The following DNAH11 variants were observed in gnomAD, a reference collection of about 807,000 sequenced individuals.
DNAH11 encodes dynein axonemal heavy chain 11.
Under a neutral mutation model 526.0 loss-of-function variants are expected in DNAH11, and 442 were observed. The ratio of observed to expected loss-of-function variants is 0.84; its 90% CI spans 0.78 to 0.91. The LOEUF (loss-of-function observed/expected upper bound fraction) is 0.91, where lower values mean the gene tolerates loss of function less well. Ranked by LOEUF, DNAH11 falls within the 40% of genes least tolerant of loss-of-function variation. The probability of loss-of-function intolerance (pLI) is 0.00; values close to 1 mark genes in which losing one functional copy is unlikely to be tolerated. For synonymous variants in DNAH11, 2,461 were observed against 1,935.9 expected (o/e 1.27, Z -7.12); for missense variants, 6,989 against 5,448.7 (o/e 1.28, Z -8.90).
intron 25 of DNAH11, among the ~76,000 whole-genome samples, chr7:21,628,290 C>T (rs192635409): frequency 6.6e-6 from 1 of 151,950 alleles, no homozygotes; most frequent in African/African-American, 2.4e-5. Context: ...ATTTCTTTCT[C>T]TTGCCTAATT....
chr7:21,755,611 T>G (rs959761418), intron 54 of DNAH11, among the ~76,000 whole-genome samples: 6 of 152,190 alleles, frequency 3.9e-5, no homozygotes, highest in African/African-American at 1.4e-4. Context: ...TAAATTACCC[T>G]TAATAATATT....
intron 49 of DNAH11, 121 bp downstream of exon 49, chr7:21,742,287 G>C: frequency 8.2e-7 from 1 of 1,216,718 alleles, no homozygotes; most frequent in Non-Finnish European, 1.1e-6. Context: ...ATAAAGAAAA[G>C]AGGTTTAATT....
chr7:21,847,935 AC>A (rs1782478602), intron 66 of DNAH11, among the ~76,000 whole-genome samples: 1 of 151,864 alleles, frequency 6.6e-6, no homozygotes, highest in Non-Finnish European at 1.5e-5. Context: ...GGAGGCTGAG[AC>A]GGGCGGATCA....
chr7:21,866,445 T>G, intron 70 of DNAH11, 25 bp from the exon 71 acceptor site: 1 of 1,593,916 alleles, frequency 6.3e-7, no homozygotes, highest in Non-Finnish European at 8.5e-7. Flanking sequence ...ACACCATTCC[T>G]ACTTGTTTCC....
Position 21,900,134 on chromosome 7 carries a change from A to G in DNAH11, c.13303+14A>G. On this transcript the variant is annotated intron_variant, in intron 81 of 81. Transcript: ENST00000409508. The stretch of plus-strand genomic sequence containing the variant: ...TCTTCATGGAGGGTAAGACACCCCA[A>G]GGGGTAAGTGGGGAACCTTTTCTTA... The G allele has an allele frequency of 6.2e-7, 1 of 1,603,246 alleles. No homozygotes were observed. The highest frequency in any genetic ancestry group is 1.1e-5 in the South Asian group (1 of 89,490).
At chr7:21,740,146 T>A (rs1009927437) in intron 48 of DNAH11, among the ~76,000 whole-genome samples, 1 of 152,194 alleles carries the variant, frequency 6.6e-6, no homozygotes, top group African/African-American at 2.4e-5. Context: ...ACTCTACCAA[T>A]TCATTCCTCT....
chr7:21,780,040 A>T (rs930565312), intron 57 of DNAH11, among the ~76,000 whole-genome samples: 24 of 150,298 alleles, frequency 1.6e-4, no homozygotes, highest in Non-Finnish European at 3.0e-5. Flanking sequence ...TTTTTTTCCA[A>T]TGCATATTGA....
At chr7:21,805,245 T>C (rs914851722) in intron 62 of DNAH11, among the ~76,000 whole-genome samples, 2 of 152,222 alleles carry the variant, frequency 1.3e-5, no homozygotes, top group African/African-American at 4.8e-5. Context: ...TAGCATTTAT[T>C]GCATGAACGT....
At chr7:21,769,575 C>T (rs987677711) in intron 55 of DNAH11, among the ~76,000 whole-genome samples, 1 of 152,034 alleles carries the variant, frequency 6.6e-6, no homozygotes, top group African/African-American at 2.4e-5. Context: ...ACTTCCGCCT[C>T]TCGGGTTCAA....
rs1199865481 is a variant in DNAH11, at chr7:21,864,540, G to A, written c.11379G>A (p.Leu3793=). The A allele has an allele frequency of 8.1e-6, 13 of 1,610,582 alleles. No homozygotes were observed. Among genetic ancestry groups the A allele is most frequent in the Middle Eastern group, 3.3e-4 (2 of 6,052 alleles). Residue 3793 remains leucine (L), a synonymous_variant, in exon 70 of 82, where the codon TTG becomes TTA. Coordinates refer to ENST00000409508, the MANE Select transcript of DNAH11 (RefSeq NM_001277115.2). Reference sequence around the variant, plus strand: ...CAATTTTGTCTACTCTCAAGATTTTGTTGAGAAAGAAAGAGATAGACCCTC... The same window carrying A: ...CAATTTTGTCTACTCTCAAGATTTTATTGAGAAAGAAAGAGATAGACCCTC... ...TFLSQMAFQI[L]LRKKEIDPLE... is the part of the protein sequence containing the mutation.
chr7:21,715,105 T>A (rs761049594), intron 42 of DNAH11, among the ~76,000 whole-genome samples: 1 of 152,244 alleles, frequency 6.6e-6, no homozygotes, highest in Admixed American at 6.5e-5. Context: ...CTAGTCAGCA[T>A]GTACTGCTAA....
At chr7:21,788,267 GAA>G (rs1468650072) in intron 60 of DNAH11, among the ~76,000 whole-genome samples, 2 of 152,134 alleles carry the variant, frequency 1.3e-5, no homozygotes, top group African/African-American at 4.8e-5. Flanking sequence ...GAATTACTGA[GAA>G]AAAGTCAGTG....
intron 74 of DNAH11, among the ~76,000 whole-genome samples, chr7:21,880,236 C>T: frequency 6.6e-6 from 1 of 152,124 alleles, no homozygotes. Flanking sequence ...CAAATGGCTT[C>T]ATGGGAGGCT....
At position 21,724,484 on chromosome 7, in the gene DNAH11, A is replaced by G. The variant is rs572670264; in HGVS notation, c.7267-1327A>G. ...ATGGGGAAAAATCACGGTTGAAGTC[A>G]TAGATAGAAATGAGATTGCTGAAAG... On this transcript the variant is annotated intron_variant, in intron 44 of 81. Transcript: ENST00000409508. 6.6e-4 allele frequency among the ~76,000 whole-genome samples: 101 copies of G among 152,266 alleles called. 3 individuals are homozygous for G. Among genetic ancestry groups the G allele is most frequent in the Non-Finnish European group, 4.3e-4 (29 of 68,046 alleles).
chr7:21,547,930 G>A (rs1174056099), intron 2 of DNAH11, among the ~76,000 whole-genome samples: 1 of 152,162 alleles, frequency 6.6e-6, no homozygotes, highest in Non-Finnish European at 1.5e-5. Context: ...TATTTTGCTA[G>A]TAAGTTATGC....
At position 21,900,855 on chromosome 7, in the gene DNAH11, C is replaced by G. The variant is rs1321697404; in HGVS notation, c.13304-152C>G. On this transcript the variant is annotated intron_variant, in intron 81 of 81. Transcript: ENST00000409508. ...AGGCAGGGTAACCTACCTTTCAAAG[C>G]TCAGTCCGGCCAGCTCAGTAAAAAT... The G allele has an allele frequency of 2.3e-6, 3 of 1,303,810 alleles. No individual in the cohort carries two copies. In the East Asian group the frequency reaches 7.3e-5, roughly 32 times the overall value. The allele number at this position is 1,303,810 out of a possible 1,614,324, so 80.8% of individuals were successfully genotyped here. A position where few individuals can be genotyped will look rare whatever the true frequency, so the allele number is the denominator to read the frequency against.
At chr7:21,857,965 GAT>G (rs1446463511) in intron 68 of DNAH11, among the ~76,000 whole-genome samples, 1 of 152,010 alleles carries the variant, frequency 6.6e-6, no homozygotes, top group Non-Finnish European at 1.5e-5. Flanking sequence ...GTTTTCAAAA[GAT>G]ATGAAGATGA....
At chr7:21,589,157 G>A (rs1784584969) in intron 11 of DNAH11, 51 bp from the exon 12 acceptor site, 1 of 1,372,956 alleles carries the variant, frequency 7.3e-7, no homozygotes, top group South Asian at 1.4e-5. Flanking sequence ...TTATTAAGCG[G>A]AAATCTATCT....
chr7:21,847,155 TCTA>T (rs1782451199), intron 66 of DNAH11, among the ~76,000 whole-genome samples: 1 of 152,184 alleles, frequency 6.6e-6, no homozygotes, highest in African/African-American at 2.4e-5. Flanking sequence ...TTTTAGTTTC[TCTA>T]CTGATTTTCT....
Sources: allele counts gnomAD v4.1 joint callset (sites outside exome capture counted in the v4.1 genomes callset), GRCh38; gene constraint gnomAD v4.1.1; transcripts MANE v1.5; gene names NCBI Gene and HGNC (gene_info 2026-07-23, HGNC 2026-07-21).